The following PCDH15 variants were observed in gnomAD, a reference collection of about 807,000 sequenced individuals.
PCDH15 encodes the protein protocadherin-15.
A neutral mutation model predicts 178.5 loss-of-function variants in PCDH15; 129 were observed. The ratio of observed to expected loss-of-function variants is 0.72; its 90% confidence interval spans 0.63 to 0.84. The LOEUF is 0.84. Among genes scored for constraint, PCDH15 ranks in the 40% least tolerant of loss-of-function variants. The probability of loss-of-function intolerance (pLI) is 0.00; values close to 1 mark genes in which losing one functional copy is unlikely to be tolerated. For synonymous variants in PCDH15, 800 were observed against 732.0 expected (o/e 1.09, Z -1.50); for missense variants, 2,230 against 2,099.9 (o/e 1.06, Z -1.21).
chr10:54,447,913 A>G (rs1324492683), intron 3 of PCDH15, among the ~76,000 whole-genome samples: 3 of 151,066 alleles, frequency 2.0e-5, no homozygotes. Flanking sequence ...CCTAATGTGG[A>G]AATAAATATC....
intron 1 of PCDH15, among the ~76,000 whole-genome samples, chr10:55,175,427 T>G (rs756951377): frequency 2.0e-5 from 3 of 151,810 alleles, no homozygotes; most frequent in Non-Finnish European, 4.4e-5. Flanking sequence ...CAGATAGTAC[T>G]TTAGAGGTGG....
intron 2 of PCDH15, among the ~76,000 whole-genome samples, chr10:55,620,601 G>A (rs1371522471): frequency 2.6e-5 from 4 of 151,798 alleles, no homozygotes; most frequent in African/African-American, 9.7e-5. Flanking sequence ...CAATAATTCT[G>A]AGTGGAAATT....
intron 8 of PCDH15, among the ~76,000 whole-genome samples, chr10:54,278,278 T>C (rs186107649): frequency 1.3e-5 from 2 of 151,682 alleles, no homozygotes; most frequent in African/African-American, 4.8e-5. Context: ...CCTCAATTTG[T>C]AGCCATTGGT....
chr10:55,098,909 A>C (rs1444324555), intron 2 of PCDH15, among the ~76,000 whole-genome samples: 1 of 139,284 alleles, frequency 7.2e-6, no homozygotes, highest in Non-Finnish European at 1.5e-5. Context: ...AGAGAGAGAG[A>C]GAGAGAGAGA....
chr10:54,476,187 G>A (rs1336625817), intron 3 of PCDH15, among the ~76,000 whole-genome samples: 1 of 151,642 alleles, frequency 6.6e-6, no homozygotes, highest in Non-Finnish European at 1.5e-5. Context: ...TTAAGTGCCT[G>A]ACTGAAGATT....
chr10:55,063,321 A>G (rs1395618056), intron 2 of PCDH15, among the ~76,000 whole-genome samples: 14 of 152,158 alleles, frequency 9.2e-5, no homozygotes, highest in Admixed American at 7.9e-4. Context: ...AAGTCATTAT[A>G]AAGCAGTGGC....
intron 3 of PCDH15, among the ~76,000 whole-genome samples, chr10:54,835,582 A>C (rs183088214): frequency 6.6e-6 from 1 of 152,136 alleles, no homozygotes. Flanking sequence ...CTTGATGCAC[A>C]TGGAAACCAA....
At chr10:54,846,533 G>A (rs566109238) in intron 3 of PCDH15, among the ~76,000 whole-genome samples, 3 of 152,006 alleles carry the variant, frequency 2.0e-5, no homozygotes, top group Non-Finnish European at 2.9e-5. Context: ...AAATGCATCC[G>A]GCAATCTACC....
intron 4 of PCDH15, among the ~76,000 whole-genome samples, chr10:54,376,817 G>A (rs1948514695): frequency 6.6e-6 from 1 of 151,912 alleles, no homozygotes; most frequent in African/African-American, 2.4e-5. Flanking sequence ...AAACTCCCTA[G>A]TCCAGTAATA....
chr10:55,392,931 T>C (rs1482542548), intron 2 of PCDH15, among the ~76,000 whole-genome samples: 1 of 151,954 alleles, frequency 6.6e-6, no homozygotes, highest in East Asian at 1.9e-4. Flanking sequence ...TTCTTATTTT[T>C]GAGAAATCCA....
chr10:55,327,916 G>A (rs950154911), intron 2 of PCDH15, among the ~76,000 whole-genome samples: 1 of 151,912 alleles, frequency 6.6e-6, no homozygotes, highest in Non-Finnish European at 1.5e-5. Context: ...ATGTTTATTG[G>A]CTGTCAGTCA....
chr10:54,065,893 G>T (rs2094127918), intron 18 of PCDH15, among the ~76,000 whole-genome samples: 1 of 152,162 alleles, frequency 6.6e-6, no homozygotes, highest in Non-Finnish European at 1.5e-5. Context: ...CAGATCTTGT[G>T]CCTGGTTATA....
At chr10:54,619,433 G>T (rs187281995) in intron 2 of PCDH15, 111 of 152,142 alleles carry the variant, frequency 7.3e-4, no homozygotes, top group Non-Finnish European at 7.4e-5. Context: ...AGTCTCAAAG[G>T]CTGAAGGAAG....
chr10:54,464,075 A>G (rs563259850), intron 3 of PCDH15, among the ~76,000 whole-genome samples: 1 of 152,176 alleles, frequency 6.6e-6, no homozygotes, highest in East Asian at 1.9e-4. Context: ...TCAGGCTTTC[A>G]CCTTCATAGC....
chr10:54,057,576 C>A (rs1259324658), intron 18 of PCDH15, among the ~76,000 whole-genome samples: 3 of 152,098 alleles, frequency 2.0e-5, no homozygotes. Flanking sequence ...CTGGACCCAG[C>A]CCAGGAAACC....
At chr10:54,101,916 A>G (rs368258459) in intron 15 of PCDH15, among the ~76,000 whole-genome samples, 2 of 152,248 alleles carry the variant, frequency 1.3e-5, no homozygotes, top group East Asian at 3.9e-4. Context: ...TGGAGGCTGC[A>G]GTGAGCCATG....
intron 3 of PCDH15, among the ~76,000 whole-genome samples, chr10:54,494,263 C>T (rs1470354474): frequency 6.6e-6 from 1 of 151,952 alleles, no homozygotes; most frequent in African/African-American, 2.4e-5. Flanking sequence ...GAAACTCCCC[C>T]ACCCTTTTGT....
At chr10:55,184,331 G>A (rs1442766449) in intron 1 of PCDH15, among the ~76,000 whole-genome samples, 2 of 151,826 alleles carry the variant, frequency 1.3e-5, no homozygotes, top group African/African-American at 4.8e-5. Context: ...AGTGGTGTGA[G>A]GACTCACTAC....
At chr10:54,493,335 A>T (rs899858291) in intron 3 of PCDH15, among the ~76,000 whole-genome samples, 4 of 152,072 alleles carry the variant, frequency 2.6e-5, no homozygotes, top group African/African-American at 9.7e-5. Context: ...AACTCATAGA[A>T]TGGATAGATT....
Sources: gnomAD v4.1 joint callset for allele counts (sites outside exome capture counted in the v4.1 genomes callset) on GRCh38, gnomAD v4.1.1 for gene constraint, MANE v1.5 for transcripts, NCBI Gene and HGNC (gene_info 2026-07-23, HGNC 2026-07-21) for gene names.